ADARB2: variants seen among roughly 807,000 people sequenced by gnomAD.
ADARB2 encodes the protein inactive double-stranded RNA-specific editase B2.
In ADARB2, 25 loss-of-function variants were observed where a neutral mutation model predicts 62.2. The ratio of observed to expected loss-of-function variants is 0.40; its 90% CI spans 0.29 to 0.56. The LOEUF (loss-of-function observed/expected upper bound fraction) is 0.56, where lower values mean the gene tolerates loss of function less well. Ranked by LOEUF, ADARB2 falls within the 20% of genes least tolerant of loss-of-function variation. The pLI is 0.43. For missense variants in ADARB2, 1,071 were observed against 1,077.4 expected (o/e 0.99, Z 0.08); for synonymous variants, 572 against 500.8 (o/e 1.14, Z -1.90).
In ADARB2 at chr10:1,373,869, C is replaced by T. The variant is rs561102558; in HGVS notation, c.187+5205G>A. Among the ~76,000 whole-genome samples the T allele has an allele frequency of 2.5e-3, 385 of 151,458 alleles. 18 individuals carry two copies. The highest frequency in any genetic ancestry group is 0.018 in the Admixed American group (273 of 15,034). ...ACCGCGTGGGCTCCGCGCACCCTTC[C>T]TAGTGAAACCGCGTGGGCTCCGCGC... is the stretch of plus-strand genomic sequence containing the variant. On this transcript the variant is annotated intron_variant, in intron 2 of 9. Transcript: ENST00000381312.
intron 1 of ADARB2, among the ~76,000 whole-genome samples, chr10:1,447,149 G>A (rs1299926437): frequency 2.0e-5 from 3 of 152,170 alleles, no homozygotes; most frequent in South Asian, 2.1e-4. Context: ...TCGGATGCAC[G>A]GGTCAGTGGG....
chr10:1,262,692 A>T (rs1306080567), intron 4 of ADARB2, among the ~76,000 whole-genome samples: 1 of 152,172 alleles, frequency 6.6e-6, no homozygotes, highest in Non-Finnish European at 1.5e-5. Flanking sequence ...GGGACTGTAA[A>T]CTAGTTCAAC....
chr10:1,696,388 T>C (rs1368415136), intron 1 of ADARB2, among the ~76,000 whole-genome samples: 4 of 151,656 alleles, frequency 2.6e-5, no homozygotes, highest in Non-Finnish European at 5.9e-5. Context: ...ACAGATTTTA[T>C]ATGGAAATAC....
At chr10:1,217,189 G>C in intron 6 of ADARB2, 70 bp from the exon 7 acceptor site, 1 of 1,426,636 alleles carries the variant, frequency 7.0e-7, no homozygotes. Context: ...TGGGAGAAGA[G>C]GAAGGACTGC....
intron 8 of ADARB2, 149 bp from the exon 9 acceptor site, chr10:1,185,188 C>A: frequency 9.1e-7 from 1 of 1,095,384 alleles, no homozygotes; most frequent in Non-Finnish European, 1.3e-6. Flanking sequence ...ACGTGTCACC[C>A]GCAGGGCGGA....
intron 1 of ADARB2, among the ~76,000 whole-genome samples, chr10:1,449,935 G>C (rs1831016704): frequency 6.6e-6 from 1 of 152,248 alleles, no homozygotes; most frequent in South Asian, 2.1e-4. Context: ...ATGGAGGAGA[G>C]GCCTGCACAG....
intron 3 of ADARB2, among the ~76,000 whole-genome samples, chr10:1,352,836 A>G (rs1172808939): frequency 3.3e-5 from 5 of 151,968 alleles, no homozygotes; most frequent in Admixed American, 3.3e-4. Flanking sequence ...GACCCTCATG[A>G]CTGTATCTCT....
intron 1 of ADARB2, among the ~76,000 whole-genome samples, chr10:1,712,458 A>G (rs1285603911): frequency 4.0e-5 from 6 of 151,468 alleles, no homozygotes; most frequent in Admixed American, 1.3e-4. Flanking sequence ...TGCCTTCTGC[A>G]TGAGGAGAGG....
chr10:1,396,738 T>C (rs1318682254), intron 1 of ADARB2, among the ~76,000 whole-genome samples: 1 of 111,488 alleles, frequency 9.0e-6, no homozygotes, highest in African/African-American at 3.8e-5. Context: ...ACCGTCCTCC[T>C]CTCCCCTCCC....
At chr10:1,348,916 T>G (rs1307661966) in intron 3 of ADARB2, among the ~76,000 whole-genome samples, 2 of 152,016 alleles carry the variant, frequency 1.3e-5, no homozygotes, top group African/African-American at 4.8e-5. Context: ...AGTCACCAGG[T>G]GCTGCGAGAA....
rs568618854 is a variant in ADARB2, at chr10:1,496,674, T to C, written c.101-117514A>G. Among the ~76,000 whole-genome samples, 99 of 152,180 alleles carry C rather than the reference T, an allele frequency of 6.5e-4. No individual in the cohort carries two copies. In the South Asian group the frequency reaches 0.02, roughly 31 times the overall value. Reference sequence around the variant, plus strand: ...ATCATAATAATCATATTCATCATAATCACCATCATTATCAACTTAATTATC... The same window carrying C: ...ATCATAATAATCATATTCATCATAACCACCATCATTATCAACTTAATTATC... On this transcript the variant is annotated intron_variant, in intron 1 of 9. Transcript: ENST00000381312.
At chr10:1,633,592 C>CTATCTATCTA (rs1554776977) in intron 1 of ADARB2, among the ~76,000 whole-genome samples, 10 of 105,302 alleles carry the variant, frequency 9.5e-5, no homozygotes, top group Non-Finnish European at 2.4e-4. Context: ...ATCTATCTAT[C>CTATCTATCTA]TATCTATCTA....
At chr10:1,382,321 C>T (rs1227439344) in intron 1 of ADARB2, among the ~76,000 whole-genome samples, 1 of 152,170 alleles carries the variant, frequency 6.6e-6, no homozygotes, top group African/African-American at 2.4e-5. Context: ...AGAAGGCCAG[C>T]AGAATTGCTA....
chr10:1,593,030 T>G (rs1833281967), intron 1 of ADARB2, among the ~76,000 whole-genome samples: 1 of 99,196 alleles, frequency 1.0e-5, no homozygotes, highest in African/African-American at 4.5e-5. Context: ...CAAGCCACCC[T>G]CCATAGGTCT....
chr10:1,281,043 CAAAG>C (rs1012655693), intron 3 of ADARB2, among the ~76,000 whole-genome samples: 81 of 152,322 alleles, frequency 5.3e-4, no homozygotes, highest in African/African-American at 1.9e-3. Flanking sequence ...GAGAAAAAGA[CAAAG>C]AAAACGTGGC....
At chr10:1,310,162 C>T (rs559632689) in intron 3 of ADARB2, among the ~76,000 whole-genome samples, 19 of 152,148 alleles carry the variant, frequency 1.2e-4, no homozygotes, top group African/African-American at 3.4e-4. Context: ...TATTTTGGAC[C>T]GAGCACTGTG....
intron 1 of ADARB2, among the ~76,000 whole-genome samples, chr10:1,621,501 G>A (rs538876427): frequency 1.3e-5 from 2 of 151,156 alleles, no homozygotes; most frequent in African/African-American, 2.4e-5. Flanking sequence ...CTGCAGCCTC[G>A]GCCTCCCAGG....
At chr10:1,262,487 C>A (rs556957387) in intron 4 of ADARB2, among the ~76,000 whole-genome samples, 1 of 152,038 alleles carries the variant, frequency 6.6e-6, no homozygotes, top group East Asian at 1.9e-4. Context: ...TATGAACAGA[C>A]ACTTCTCAAA....
intron 1 of ADARB2, among the ~76,000 whole-genome samples, chr10:1,455,831 C>T (rs1831089194): frequency 6.6e-6 from 1 of 152,176 alleles, no homozygotes; most frequent in Non-Finnish European, 1.5e-5. Flanking sequence ...CTATTCCCCC[C>T]TTCTGTCTAT....
Sources: allele counts gnomAD v4.1 joint callset (sites outside exome capture counted in the v4.1 genomes callset), GRCh38; gene constraint gnomAD v4.1.1; transcripts MANE v1.5; gene names NCBI Gene and HGNC (gene_info 2026-07-23, HGNC 2026-07-21).